The following ANKRD10 variants were observed in gnomAD, a reference collection of about 807,000 sequenced individuals.
The protein encoded by ANKRD10 is ankyrin repeat domain-containing protein 10.
In ANKRD10, 14 loss-of-function variants were observed where a neutral mutation model predicts 27.0. The ratio of observed to expected loss-of-function variants is 0.52; its 90% confidence interval spans 0.34 to 0.81. The LOEUF (loss-of-function observed/expected upper bound fraction) is 0.81. Among genes scored for constraint, ANKRD10 ranks in the 40% least tolerant of loss-of-function variants. ANKRD10 has a pLI of 0.01. For synonymous variants in ANKRD10, 250 were observed against 224.5 expected, an observed-to-expected ratio of 1.11 and a Z score of -1.01; for missense variants, 493 against 544.0, an observed-to-expected ratio of 0.91 and a Z score of 0.93.
At chr13:110,886,052 C>T (rs2064921598) in intron 4 of ANKRD10, among the ~76,000 whole-genome samples, 1 of 152,228 alleles carries the variant, frequency 6.6e-6, no homozygotes, top group East Asian at 1.9e-4. Context: ...AACAAATGAT[C>T]AGTAGCTGGC....
chr13:110,885,453 C>G (rs995599937), intron 4 of ANKRD10, among the ~76,000 whole-genome samples: 1 of 151,916 alleles, frequency 6.6e-6, no homozygotes, highest in Non-Finnish European at 1.5e-5. Flanking sequence ...GAGGCTGAGG[C>G]AGGAGAATCA....
intron 4 of ANKRD10, among the ~76,000 whole-genome samples, chr13:110,885,259 GA>G (rs1027154781): frequency 4.0e-5 from 6 of 148,764 alleles, no homozygotes; most frequent in South Asian, 2.1e-4. Context: ...AAAAGAGAGA[GA>G]AAAAAAAAAG....
At chr13:110,909,174 T>A (rs963787509) in intron 2 of ANKRD10, among the ~76,000 whole-genome samples, 1 of 152,210 alleles carries the variant, frequency 6.6e-6, no homozygotes, top group Non-Finnish European at 1.5e-5. Flanking sequence ...CCTCTCTAAA[T>A]AAGATGCTAT....
chr13:110,908,580 C>T (rs1183857946), intron 2 of ANKRD10, among the ~76,000 whole-genome samples: 1 of 152,042 alleles, frequency 6.6e-6, no homozygotes, highest in African/African-American at 2.4e-5. Flanking sequence ...ATGGACACAA[C>T]AAAGGAGAAA....
chr13:110,904,540 A>G (rs2065473591), intron 3 of ANKRD10, among the ~76,000 whole-genome samples: 1 of 152,262 alleles, frequency 6.6e-6, no homozygotes, highest in African/African-American at 2.4e-5. Flanking sequence ...ACTTCTAATT[A>G]TCCACTGTTT....
chr13:110,891,637 G>A (rs909777259), intron 4 of ANKRD10, among the ~76,000 whole-genome samples: 1 of 152,072 alleles, frequency 6.6e-6, no homozygotes, highest in African/African-American at 2.4e-5. Context: ...GATGATGTTG[G>A]TTCATGAAAT....
chr13:110,894,403 C>CAAAAAAAAAAAAAGA (rs2065166017), intron 3 of ANKRD10: 1 of 62,682 alleles, frequency 1.6e-5, no homozygotes, highest in Non-Finnish European at 2.8e-5. Flanking sequence ...ACTGTTAATG[C>CAAAAAAAAAAAAAGA]AAAAAAAAAA....
intron 2 of ANKRD10, among the ~76,000 whole-genome samples, chr13:110,906,346 G>A (rs2065534683): frequency 6.6e-6 from 1 of 152,076 alleles, no homozygotes; most frequent in Non-Finnish European, 1.5e-5. Context: ...ATATCTTGGG[G>A]CCTCTCCAGT....
At chr13:110,880,456 G>A (rs1040422162) in intron 5 of ANKRD10, among the ~76,000 whole-genome samples, 3 of 152,082 alleles carry the variant, frequency 2.0e-5, no homozygotes, top group South Asian at 4.1e-4. Context: ...TTTCGAGAGC[G>A]GTTTTTAAAA....
intron 3 of ANKRD10, among the ~76,000 whole-genome samples, chr13:110,893,888 A>G (rs957447449): frequency 6.6e-6 from 1 of 152,210 alleles, no homozygotes; most frequent in Non-Finnish European, 1.5e-5. Context: ...TATTTTTGGC[A>G]TTGTAGAGCA....
chr13:110,879,709 G>A lies in ANKRD10; in HGVS notation c.1191C>T (p.Ser397=). The change falls in exon 6 of 6, where the codon TCC becomes TCT. Residue 397 remains serine (S), a synonymous_variant. Coordinates refer to ENST00000267339, the MANE Select transcript of ANKRD10 (RefSeq NM_017664.4). ...IPELNSVVEH[S]KSVKVQERYD... ...ACCGCTCCTGCACCTTCACGGACTT[G>A]GAATGCTCGACCACACTGTTCAGTT... 6.2e-7 allele frequency: 1 copy of A among 1,614,156 alleles called. No individual in the cohort carries two copies. Among genetic ancestry groups the A allele is most frequent in the East Asian group, 2.2e-5 (1 of 44,880 alleles).
chr13:110,895,922 T>TC, intron 3 of ANKRD10, among the ~76,000 whole-genome samples: 1 of 152,306 alleles, frequency 6.6e-6, no homozygotes, highest in East Asian at 1.9e-4. Context: ...TACGTGCTTG[T>TC]CCTCTACTTA....
chr13:110,905,301 AAAAT>A (rs1281789006), intron 3 of ANKRD10: 2 of 152,206 alleles, frequency 1.3e-5, no homozygotes, highest in Non-Finnish European at 2.9e-5. Context: ...TGTAACAACT[AAAAT>A]AAATGTATAA....
intron 3 of ANKRD10, 129 bp downstream of exon 3, chr13:110,905,904 T>C: frequency 1.1e-6 from 1 of 871,546 alleles, no homozygotes; most frequent in Non-Finnish European, 1.7e-6. Context: ...CCAACTGTTC[T>C]AAAAGGCAAA....
At chr13:110,899,527 A>G (rs1259936220) in intron 3 of ANKRD10, among the ~76,000 whole-genome samples, 4 of 152,362 alleles carry the variant, frequency 2.6e-5, no homozygotes, top group Admixed American at 2.6e-4. Flanking sequence ...ACAACGGTCA[A>G]CTTGAGGTTC....
At chr13:110,911,873 A>C (rs1422648140) in intron 1 of ANKRD10, 1 of 152,212 alleles carries the variant, frequency 6.6e-6, no homozygotes, top group Admixed American at 6.5e-5. Flanking sequence ...AGTGTGCACA[A>C]CTGTGCACTT....
At chr13:110,894,416 A>AAAAAAAAAAAC (rs2065171274) in intron 3 of ANKRD10, 1 of 317,564 alleles carries the variant, frequency 3.1e-6, no homozygotes, top group Admixed American at 4.6e-5. Context: ...AAAAAAAAAA[A>AAAAAAAAAAAC]AAAAAAAAAA....
chr13:110,882,204 C>G (rs142597681), intron 5 of ANKRD10, among the ~76,000 whole-genome samples: 1 of 152,144 alleles, frequency 6.6e-6, no homozygotes, highest in Non-Finnish European at 1.5e-5. Context: ...TAGCTGTACA[C>G]AGTTGTTCAA....
At chr13:110,886,299 C>A (rs2064929189) in intron 4 of ANKRD10, among the ~76,000 whole-genome samples, 1 of 152,234 alleles carries the variant, frequency 6.6e-6, no homozygotes, top group South Asian at 2.1e-4. Context: ...TGAGTAGATG[C>A]ATCTTTTGTT....
Sources: gnomAD v4.1 joint callset for allele counts (sites outside exome capture counted in the v4.1 genomes callset) on GRCh38, gnomAD v4.1.1 for gene constraint, MANE v1.5 for transcripts, NCBI Gene and HGNC (gene_info 2026-07-23, HGNC 2026-07-21) for gene names.